Variants in KCNQ3 observed in about 807,000 individuals in gnomAD.
KCNQ3 encodes potassium voltage-gated channel subfamily Q member 3, also known as potassium voltage-gated channel subfamily KQT member 3.
KCNQ3 carries 30 observed loss-of-function variants against 92.5 expected under a neutral mutation model. The ratio of observed to expected loss-of-function variants is 0.32; its 90% CI spans 0.24 to 0.44. KCNQ3 has a LOEUF of 0.44. KCNQ3 is among the 20% of genes least tolerant of loss of function. The probability of loss-of-function intolerance (pLI) is 1.00; values close to 1 mark genes in which losing one functional copy is unlikely to be tolerated. For synonymous variants in KCNQ3, 450 were observed against 468.8 expected (o/e 0.96, Z 0.52); for missense variants, 913 against 1,140.3 (o/e 0.80, Z 2.87).
chr8:132,265,613 G>A (rs1034003177), intron 1 of KCNQ3, among the ~76,000 whole-genome samples: 7 of 152,138 alleles, frequency 4.6e-5, no homozygotes, highest in African/African-American at 1.7e-4. Context: ...ATTCAGAGAG[G>A]CTTATGTGTT....
chr8:132,154,225 G>C (rs2118436), intron 9 of KCNQ3, among the ~76,000 whole-genome samples: 1 of 103,568 alleles, frequency 9.7e-6, no homozygotes, highest in African/African-American at 3.3e-5. Flanking sequence ...TTTTTTTTTA[G>C]CCAATCAGGC....
chr8:132,253,503 A>T (rs1252351537), intron 1 of KCNQ3, among the ~76,000 whole-genome samples: 1 of 152,262 alleles, frequency 6.6e-6, no homozygotes, highest in East Asian at 1.9e-4. Flanking sequence ...CATGACACCA[A>T]TAAATGTGAG....
chr8:132,408,979 A>G (rs1452609644), intron 1 of KCNQ3, among the ~76,000 whole-genome samples: 2 of 152,234 alleles, frequency 1.3e-5, no homozygotes, highest in East Asian at 3.8e-4. Context: ...GAACACAGCT[A>G]TACCATGTGA....
At chr8:132,347,112 C>T (rs929043115) in intron 1 of KCNQ3, among the ~76,000 whole-genome samples, 2 of 152,166 alleles carry the variant, frequency 1.3e-5, no homozygotes, top group African/African-American at 4.8e-5. Flanking sequence ...GTCTGTACCC[C>T]TGGGCTGGAT....
chr8:132,379,585 C>A (rs774425347), intron 1 of KCNQ3, among the ~76,000 whole-genome samples: 12 of 152,152 alleles, frequency 7.9e-5, no homozygotes, highest in African/African-American at 2.7e-4. Flanking sequence ...GTTGGCCCTA[C>A]GTGTTTGGCA....
rs189440275 is a variant in KCNQ3 at position 132,451,438 on chromosome 8, C to T, written c.386+28709G>A. Among the ~76,000 whole-genome samples, 149 of 152,344 alleles carry T rather than the reference C, an allele frequency of 9.8e-4. 2 individuals carry two copies. Among genetic ancestry groups the T allele is most frequent in the Non-Finnish European group, 1.6e-3 (109 of 68,036 alleles). ...TAATGCACCATCCACCACGGGCAGA[C>T]GTTATCCTGTCCCTCCTCTATGCCC... On this transcript the variant is annotated intron_variant, in intron 1 of 14. Coordinates refer to ENST00000388996, the MANE Select transcript of KCNQ3 (RefSeq NM_004519.4).
chr8:132,423,599 C>A (rs1821029039), intron 1 of KCNQ3, among the ~76,000 whole-genome samples: 1 of 152,222 alleles, frequency 6.6e-6, no homozygotes, highest in South Asian at 2.1e-4. Flanking sequence ...TCTCACAGGG[C>A]TGTTGTGAAG....
chr8:132,466,216 A>G (rs557770135), intron 1 of KCNQ3, among the ~76,000 whole-genome samples: 4 of 152,268 alleles, frequency 2.6e-5, no homozygotes, highest in Non-Finnish European at 5.9e-5. Context: ...CCCTAACTGA[A>G]AAATTAATGA....
At chr8:132,338,480 T>C (rs1333484821) in intron 1 of KCNQ3, among the ~76,000 whole-genome samples, 1 of 152,172 alleles carries the variant, frequency 6.6e-6, no homozygotes. Flanking sequence ...ACAGGATAAG[T>C]AATTATTACT....
At chr8:132,184,126 T>G in intron 3 of KCNQ3, 115 bp downstream of exon 3, 2 of 1,307,052 alleles carry the variant, frequency 1.5e-6, no homozygotes, top group South Asian at 2.4e-5. Flanking sequence ...GGGGCTGAGC[T>G]GGCCTCCACA....
chr8:132,453,014 C>T (rs1821856978), intron 1 of KCNQ3, among the ~76,000 whole-genome samples: 1 of 20,630 alleles, frequency 4.8e-5, no homozygotes. Context: ...TGAAGACTGG[C>T]TGAGAGTAAG....
At chr8:132,173,261 A>G (rs1405710351) in intron 6 of KCNQ3, among the ~76,000 whole-genome samples, 1 of 152,194 alleles carries the variant, frequency 6.6e-6, no homozygotes. Flanking sequence ...AGAGAACTTG[A>G]AGATCTTGCA....
At chr8:132,471,942 G>A (rs1822307198) in intron 1 of KCNQ3, among the ~76,000 whole-genome samples, 1 of 151,906 alleles carries the variant, frequency 6.6e-6, no homozygotes, top group Admixed American at 6.6e-5. Flanking sequence ...ATTACAAAGT[G>A]GGCAAAGGAT....
rs374723652 is a variant in KCNQ3 at position 132,466,276 on chromosome 8, CCTTTA to C, written c.386+13866_386+13870del. ...TCACAACCCTTAGGCTTCAAGACTT[CCTTTA>C]CTTAAGAATCACCGAGAAAACAGAG... On this transcript the variant is annotated intron_variant, in intron 1 of 14. Coordinates refer to ENST00000388996, the MANE Select transcript of KCNQ3 (RefSeq NM_004519.4). 7.1e-3 allele frequency among the ~76,000 whole-genome samples: 1,083 copies of C among 152,128 alleles called. 17 individuals are homozygous for C. The highest frequency in any genetic ancestry group is 0.025 in the African/African-American group (1,026 of 41,476).
chr8:132,192,880 C>T (rs551779562), intron 1 of KCNQ3, among the ~76,000 whole-genome samples: 5 of 152,322 alleles, frequency 3.3e-5, no homozygotes, highest in Admixed American at 3.3e-4. Flanking sequence ...CTCCTGACCA[C>T]AGGTGATCCA....
intron 1 of KCNQ3, among the ~76,000 whole-genome samples, chr8:132,277,091 AAG>A (rs1177894079): frequency 6.6e-6 from 1 of 152,182 alleles, no homozygotes; most frequent in African/African-American, 2.4e-5. Context: ...AAAAAGGAAA[AAG>A]AAACTTGATT....
intron 1 of KCNQ3, among the ~76,000 whole-genome samples, chr8:132,411,121 G>C (rs1260715832): frequency 6.6e-6 from 1 of 152,218 alleles, no homozygotes; most frequent in East Asian, 1.9e-4. Context: ...AACCCATTGT[G>C]AGAACCAAAC....
chr8:132,266,347 TCTC>T (rs1815981388), intron 1 of KCNQ3, among the ~76,000 whole-genome samples: 1 of 152,174 alleles, frequency 6.6e-6, no homozygotes, highest in African/African-American at 2.4e-5. Context: ...AAACCCAGCA[TCTC>T]TTCTAAGCTA....
intron 1 of KCNQ3, among the ~76,000 whole-genome samples, chr8:132,247,868 G>A (rs1815239627): frequency 6.6e-6 from 1 of 151,760 alleles, no homozygotes; most frequent in Admixed American, 6.6e-5. Flanking sequence ...GAAGTTAGCA[G>A]TAACAAACAC....
Sources: allele counts gnomAD v4.1 joint callset (sites outside exome capture counted in the v4.1 genomes callset), GRCh38; gene constraint gnomAD v4.1.1; transcripts MANE v1.5; gene names NCBI Gene and HGNC (gene_info 2026-07-23, HGNC 2026-07-21).